HERC1: variants seen among roughly 807,000 people sequenced by gnomAD.
HERC1 encodes probable E3 ubiquitin-protein ligase HERC1.
A neutral mutation model predicts 554.3 loss-of-function variants in HERC1; 160 were observed. That is an observed-to-expected ratio of 0.29 (90% confidence interval 0.25 to 0.33). HERC1 has a LOEUF of 0.33. HERC1 is among the 10% of genes least tolerant of loss of function. The pLI, the probability that HERC1 is intolerant of heterozygous loss-of-function variation, is 1.00. For synonymous variants in HERC1, 2,175 were observed against 2,131.7 expected, an observed-to-expected ratio of 1.02 and a Z score of -0.56; for missense variants, 4,919 against 5,918.5, an observed-to-expected ratio of 0.83 and a Z score of 5.54.
chr15:63,833,743 ACG>A (rs145148725), intron 1 of HERC1, 82 bp downstream of exon 1: 11,410 of 66,198 alleles, frequency 0.17, 590 homozygotes, highest in Middle Eastern at 0.31. Context: ...CAAAGCACAC[ACG>A]CGCGCGCGCA....
intron 76 of HERC1, among the ~76,000 whole-genome samples, chr15:63,615,091 C>T (rs371777048): frequency 8.5e-5 from 13 of 152,206 alleles, no homozygotes; most frequent in African/African-American, 2.9e-4. Flanking sequence ...GGTTCATTTA[C>T]GTGGGCCCTG....
At position 63,645,753 on chromosome 15, in the gene HERC1, C is replaced by T; in HGVS notation, c.10879-71G>A. The T allele has an allele frequency of 3.6e-6, 3 of 837,630 alleles. No homozygotes were observed. The Admixed American group carries it at 9.8e-5, about 27-fold the overall frequency. The allele number at this position is 837,630 out of a possible 1,614,324, so 51.9% of individuals were successfully genotyped here. A position where few individuals can be genotyped will look rare whatever the true frequency, so the allele number is the denominator to read the frequency against. ...CACAAATACTTTAAATTCAGTAATACATAACTTATATTTCTTAGCATCTAT... is the reference window on the plus strand; with the variant it reads ...CACAAATACTTTAAATTCAGTAATATATAACTTATATTTCTTAGCATCTAT... On this transcript the variant is annotated intron_variant, in intron 55 of 77. Coordinates refer to ENST00000443617, the MANE Select transcript of HERC1 (RefSeq NM_003922.4).
At chr15:63,767,062 C>A (rs773093793) in intron 2 of HERC1, among the ~76,000 whole-genome samples, 1 of 150,990 alleles carries the variant, frequency 6.6e-6, no homozygotes, top group East Asian at 2.0e-4. Context: ...AGTGCAGTAG[C>A]GCAGTCTCGG....
chr15:63,752,849 C>A (rs930559517), intron 8 of HERC1, 109 bp downstream of exon 8: 4 of 1,038,590 alleles, frequency 3.9e-6, no homozygotes, highest in Non-Finnish European at 4.2e-6. Context: ...TAGCATGTTG[C>A]CTAAAAATGT....
chr15:63,804,024 T>G (rs753823897), intron 1 of HERC1, among the ~76,000 whole-genome samples: 3 of 152,198 alleles, frequency 2.0e-5, no homozygotes, highest in Non-Finnish European at 4.4e-5. Context: ...GTCAAGGCAG[T>G]TTAATAGGAA....
chr15:63,736,856 C>T (rs891795378), intron 12 of HERC1, among the ~76,000 whole-genome samples: 2 of 152,098 alleles, frequency 1.3e-5, no homozygotes, highest in Non-Finnish European at 2.9e-5. Context: ...ATCTGCCCAC[C>T]TCAGCCTCCT....
At chr15:63,730,859 A>T (rs2074261235) in intron 14 of HERC1, among the ~76,000 whole-genome samples, 1 of 152,180 alleles carries the variant, frequency 6.6e-6, no homozygotes, top group Non-Finnish European at 1.5e-5. Context: ...TCAAGTTAAA[A>T]ATATTTTTTA....
intron 54 of HERC1, 41 bp from the exon 55 acceptor site, chr15:63,648,240 TTTGTCA>T: frequency 1.3e-6 from 2 of 1,554,400 alleles, no homozygotes; most frequent in Non-Finnish European, 1.8e-6. Flanking sequence ...AAGATAATTA[TTTGTCA>T]TTGTCTGACT....
At position 63,612,014 on chromosome 15, in the gene HERC1, G is replaced by A. The variant is rs889932632; in HGVS notation, c.14400+237C>T. On this transcript the variant is annotated intron_variant, in intron 77 of 77. Transcript: ENST00000443617. This position sits in a 1 kb window ranked among gnomAD's most constrained non-coding sequence, Gnocchi z 5.0. Reference sequence around the variant, plus strand: ...AGCCTGGCCAACATGGTGAATCCCCGTCTCTACCAAAATATACAAAAAAAT... The same window carrying A: ...AGCCTGGCCAACATGGTGAATCCCCATCTCTACCAAAATATACAAAAAAAT... Among the ~76,000 whole-genome samples, 5 of 152,016 alleles carry A rather than the reference G, an allele frequency of 3.3e-5. No homozygotes were observed. The highest frequency in any genetic ancestry group is 4.8e-5 in the African/African-American group (2 of 41,386).
At chr15:63,653,366 C>G (rs926369868) in intron 51 of HERC1, among the ~76,000 whole-genome samples, 1 of 151,766 alleles carries the variant, frequency 6.6e-6, no homozygotes, top group African/African-American at 2.4e-5. Context: ...TCACTTGAAC[C>G]CGGGAGGCGG....
intron 50 of HERC1, 48 bp from the exon 51 acceptor site, chr15:63,654,372 A>G (rs1248343544): frequency 2.2e-6 from 3 of 1,358,530 alleles, no homozygotes; most frequent in Non-Finnish European, 3.1e-6. Flanking sequence ...TTGGGCAATT[A>G]AACCTGCTTA....
chr15:63,832,122 T>A (rs1276493229), intron 1 of HERC1, among the ~76,000 whole-genome samples: 1 of 152,216 alleles, frequency 6.6e-6, no homozygotes, highest in Non-Finnish European at 1.5e-5. Context: ...TCCCTAGATA[T>A]CTCATTCTGC....
intron 71 of HERC1, 133 bp downstream of exon 71, chr15:63,625,852 G>C (rs927785412): frequency 7.9e-6 from 7 of 881,674 alleles, no homozygotes; most frequent in African/African-American, 3.3e-5. Context: ...AATGGGAATA[G>C]AAGTGTTATC....
At chr15:63,702,075 A>G (rs985667498) in intron 25 of HERC1, among the ~76,000 whole-genome samples, 3 of 152,218 alleles carry the variant, frequency 2.0e-5, no homozygotes, top group Non-Finnish European at 4.4e-5. Flanking sequence ...CAGAGCTGCA[A>G]TACATACTTT....
chr15:63,761,032 G>C (rs2075594154), intron 3 of HERC1, among the ~76,000 whole-genome samples: 1 of 152,100 alleles, frequency 6.6e-6, no homozygotes, highest in Non-Finnish European at 1.5e-5. Context: ...ATTTAAGATA[G>C]ACAAGAAGAA....
At chr15:63,615,573 G>A (rs764213567) in intron 76 of HERC1, among the ~76,000 whole-genome samples, 195 bp downstream of exon 76, 1 of 152,228 alleles carries the variant, frequency 6.6e-6, no homozygotes, top group Non-Finnish European at 1.5e-5. Context: ...CTGAACCACT[G>A]CACTCCAGCC....
chr15:63,746,020 T>C (rs952380019), intron 12 of HERC1, among the ~76,000 whole-genome samples: 5 of 152,142 alleles, frequency 3.3e-5, no homozygotes, highest in African/African-American at 7.2e-5. Context: ...TTCTGTTCTT[T>C]ATTTTTTTAA....
Position 63,645,591 on chromosome 15 carries a change from G to T in HERC1, c.10970C>A (p.Ser3657Ter), listed in dbSNP as rs374565654. Reference protein sequence around the residue: ...EDSVKLWGSISGCWCCLHSLC... With the variant: ...EDSVKLWGSI ...TGAATGTAGACAGCACCAGCATCCC[G>T]AAATAGAGCCCCAGAGTTTCACACT... The change falls in exon 56 of 78, where the codon TCG (serine) becomes TAG (stop). Residue 3657 changes from serine (S) to a stop codon, truncating the protein, a stop_gained. Coordinates refer to ENST00000443617, the MANE Select transcript of HERC1 (RefSeq NM_003922.4). LOFTEE classifies it high-confidence loss of function. 1 of 1,612,822 alleles carries T rather than the reference G, an allele frequency of 6.2e-7. No individual in the cohort carries two copies. Among genetic ancestry groups the T allele is most frequent in the Admixed American group, 1.7e-5 (1 of 59,886 alleles).
intron 12 of HERC1, among the ~76,000 whole-genome samples, chr15:63,746,667 G>A (rs2075065992): frequency 6.6e-6 from 1 of 152,160 alleles, no homozygotes; most frequent in Non-Finnish European, 1.5e-5. Context: ...AGAATACAAT[G>A]TGATGTAATG....
Sources: allele counts gnomAD v4.1 joint callset (sites outside exome capture counted in the v4.1 genomes callset), GRCh38; gene constraint gnomAD v4.1.1; non-coding constraint Gnocchi (gnomAD v3.1); transcripts MANE v1.5; gene names NCBI Gene and HGNC (gene_info 2026-07-23, HGNC 2026-07-21).